ZXDC: variants seen among roughly 807,000 people sequenced by gnomAD.
ZXDC encodes the protein zinc finger protein ZXDC.
Under a neutral mutation model 63.6 loss-of-function variants are expected in ZXDC, and 58 were observed. The ratio of observed to expected loss-of-function variants is 0.91; its 90% CI spans 0.74 to 1.13. ZXDC has a LOEUF of 1.13. Ranked by LOEUF, ZXDC falls within the 50% of genes most tolerant of loss-of-function variation. ZXDC has a pLI of 0.00. For synonymous variants in ZXDC, 561 were observed against 496.1 expected, an observed-to-expected ratio of 1.13 and a Z score of -1.74; for missense variants, 1,133 against 1,148.9, an observed-to-expected ratio of 0.99 and a Z score of 0.20.
chr3:126,438,458 C>T lies in ZXDC; in HGVS notation c.2494G>A (p.Val832Met). ...VDLPVYVLQEVLPSSGGPAGP... is the reference protein window; with the variant it reads ...VDLPVYVLQEMLPSSGGPAGP... ...GCAGGGCCTCCAGATGAGGGGAGCA[C>T]CTCCTGCAAAACCAAGCATTGTCAT... is the stretch of plus-strand genomic sequence containing the variant. The change falls in exon 10 of 10, where the codon GTG (valine) becomes ATG (methionine). Residue 832 changes from valine (V) to methionine (M), a missense_variant. Physicochemically the swap from Val to Met is conservative, Grantham distance 21. Transcript: ENST00000389709. 1.2e-6 allele frequency: 2 copies of T among 1,613,210 alleles called. No homozygotes were observed. Among genetic ancestry groups the T allele is most frequent in the Non-Finnish European group, 1.7e-6 (2 of 1,179,520 alleles).
intron 7 of ZXDC, chr3:126,454,608 G>T: frequency 1.0e-6 from 1 of 985,386 alleles, no homozygotes; most frequent in Non-Finnish European, 1.2e-6. Flanking sequence ...CTCTTGAAAG[G>T]AGAGGTGCCC....
intron 8 of ZXDC, chr3:126,441,229 G>A: frequency 1.0e-6 from 1 of 985,802 alleles, no homozygotes; most frequent in Non-Finnish European, 1.2e-6. Flanking sequence ...AGGCTGGGAG[G>A]GGCCTGGGCC....
intron 4 of ZXDC, 95 bp downstream of exon 4, chr3:126,470,800 G>A (rs1217933771): frequency 1.3e-6 from 2 of 1,525,574 alleles, no homozygotes; most frequent in African/African-American, 1.4e-5. Flanking sequence ...CAGTCTTTAA[G>A]CAGCTAACAT....
rs971747259 is a variant in ZXDC at position 126,441,215 on chromosome 3, G to A, written c.2394+550C>T. 1.0e-4 allele frequency: 100 copies of A among 985,742 alleles called. 1 individual carries two copies. Among genetic ancestry groups the A allele is most frequent in the Non-Finnish European group, 5.3e-5 (44 of 830,254 alleles). The allele number at this position is 985,742 out of a possible 1,614,324, so 61.1% of individuals were successfully genotyped here. A position where few individuals can be genotyped will look rare whatever the true frequency, so the allele number is the denominator to read the frequency against. On this transcript the variant is annotated intron_variant, in intron 8 of 9. Coordinates refer to ENST00000389709, the MANE Select transcript of ZXDC (RefSeq NM_025112.5). ...CCACAGCTGCAGGTATCTGTGGCCCGGACAGGCTGGGAGGGGCCTGGGCCT... is the reference window on the plus strand; with the variant it reads ...CCACAGCTGCAGGTATCTGTGGCCCAGACAGGCTGGGAGGGGCCTGGGCCT...
chr3:126,463,077 TA>T (rs202140739), intron 5 of ZXDC, among the ~76,000 whole-genome samples: 10,138 of 146,236 alleles, frequency 0.069, 411 homozygotes, highest in South Asian at 0.19. Context: ...TTATTATTAT[TA>T]TTTTTTTTGA....
chr3:126,464,948 C>A (rs1934697970), intron 5 of ZXDC, among the ~76,000 whole-genome samples: 1 of 152,208 alleles, frequency 6.6e-6, no homozygotes, highest in Non-Finnish European at 1.5e-5. Flanking sequence ...GGCTTCATGA[C>A]CACTTCTAAA....
chr3:126,462,146 G>A lies in ZXDC; in HGVS notation c.1516C>T (p.Leu506Phe), dbSNP rs1560100624. 1 of 1,612,936 alleles carries A rather than the reference G, an allele frequency of 6.2e-7. No homozygotes were observed. Among genetic ancestry groups the A allele is most frequent in the Non-Finnish European group, 8.5e-7 (1 of 1,180,020 alleles). ...SELSSPGQSE[L>F]TNMDLAALFS... ...AGTGCAGCAAGATCCATGTTAGTGA[G>A]CTCACTTTGGCCTGGGCTGCTGAGT... Residue 506 changes from leucine to phenylalanine, a missense_variant, in exon 6 of 10, where the codon CTC (leucine) becomes TTC (phenylalanine). Coordinates refer to ENST00000389709, the MANE Select transcript of ZXDC (RefSeq NM_025112.5).
At chr3:126,448,303 G>A (rs1319668155) in intron 7 of ZXDC, among the ~76,000 whole-genome samples, 1 of 152,222 alleles carries the variant, frequency 6.6e-6, no homozygotes, top group Non-Finnish European at 1.5e-5. Flanking sequence ...CCACATGGCA[G>A]GTGCTCGGCC....
chr3:126,438,362 G>T lies in ZXDC; in HGVS notation c.*13C>A, dbSNP rs369058871. ...AGACCGTGGCCTTGGGCCTGCCCAG[G>T]CCGAGGCTGCCGTCACTGCAGATCC... On this transcript the variant is annotated 3_prime_UTR_variant, in exon 10 of 10. Coordinates refer to ENST00000389709, the MANE Select transcript of ZXDC (RefSeq NM_025112.5). 1.2e-6 allele frequency: 2 copies of T among 1,608,360 alleles called. No homozygotes were observed.
intron 1 of ZXDC, among the ~76,000 whole-genome samples, chr3:126,474,286 G>T (rs1935096267): frequency 6.6e-6 from 1 of 151,978 alleles, no homozygotes; most frequent in Admixed American, 6.6e-5. Context: ...GGATGGTCTC[G>T]ATCTCCTGAC....
chr3:126,454,313 T>C, intron 7 of ZXDC: 1 of 984,640 alleles, frequency 1.0e-6, no homozygotes, highest in South Asian at 4.7e-5. Flanking sequence ...TTGTTTGATA[T>C]TATACGTTTT....
intron 7 of ZXDC, 44 bp from the exon 8 acceptor site, chr3:126,441,990 C>T (rs1270315134): frequency 6.5e-7 from 1 of 1,542,306 alleles, no homozygotes; most frequent in African/African-American, 1.4e-5. Flanking sequence ...CTACAATCTA[C>T]CAGTCAGGTC....
rs773995576 is a variant in ZXDC at position 126,475,137 on chromosome 3, G to T, written c.729C>A (p.Gly243=). The part of the protein sequence containing the change: ...DKLRPFGCPV[G]GCGKKFTTVY... ...CCGTAGTGAACTTCTTGCCACAGCC[G>T]CCCACTGGACAGCCGAAGGGCCGCA... Residue 243 remains glycine (G), a synonymous_variant, in exon 1 of 10, where the codon GGC becomes GGA. Coordinates refer to ENST00000389709, the MANE Select transcript of ZXDC (RefSeq NM_025112.5). The T allele has an allele frequency of 1.4e-5, 23 of 1,609,472 alleles. No homozygotes were observed. In the South Asian group the frequency reaches 2.1e-4, roughly 15 times the overall value.
At chr3:126,462,325 C>G (rs1489155094) in intron 5 of ZXDC, 105 bp from the exon 6 acceptor site, 1 of 1,460,408 alleles carries the variant, frequency 6.8e-7, no homozygotes, top group Non-Finnish European at 9.0e-7. Flanking sequence ...GAAGCACTGA[C>G]TGTCCTCTTC....
intron 7 of ZXDC, among the ~76,000 whole-genome samples, chr3:126,457,925 T>C (rs1934371104): frequency 6.6e-6 from 1 of 152,178 alleles, no homozygotes; most frequent in Non-Finnish European, 1.5e-5. Context: ...AAGGAACCTA[T>C]TAAAACAGTG....
chr3:126,465,183 G>A (rs1245552457), intron 5 of ZXDC, among the ~76,000 whole-genome samples: 2 of 152,194 alleles, frequency 1.3e-5, no homozygotes, highest in Non-Finnish European at 2.9e-5. Flanking sequence ...GTAACTCTAG[G>A]GCCAGCTAGG....
At chr3:126,457,691 AGACAT>A in intron 7 of ZXDC, 1 of 973,618 alleles carries the variant, frequency 1.0e-6, no homozygotes, top group Non-Finnish European at 1.2e-6. Flanking sequence ...TGCGCTTTAT[AGACAT>A]GTCCCAGCTA....
intron 7 of ZXDC, chr3:126,454,431 C>T (rs547352440): frequency 3.0e-6 from 3 of 985,350 alleles, no homozygotes; most frequent in East Asian, 2.3e-4. Context: ...ATGCTTTTTC[C>T]TTGAATTCTG....
At position 126,466,328 on chromosome 3, in the gene ZXDC, G is replaced by A. The variant is rs553337863; in HGVS notation, c.1271-3C>T. 2 of 1,613,796 alleles carry A rather than the reference G, an allele frequency of 1.2e-6. No homozygotes were observed. ...AGCGGAGAACCTCGCGCAACATCCT[G>A]GAACAAAAAGAGTAATGAGAGTGAA... On this transcript the variant is annotated splice_polypyrimidine_tract_variant and splice_region_variant and intron_variant, in intron 4 of 9. Transcript: ENST00000389709.
Sources: allele counts gnomAD v4.1 joint callset (sites outside exome capture counted in the v4.1 genomes callset), GRCh38; gene constraint gnomAD v4.1.1; transcripts MANE v1.5; gene names NCBI Gene and HGNC (gene_info 2026-07-23, HGNC 2026-07-21).